Variants in MYO6 observed in about 807,000 individuals in gnomAD.
The protein encoded by MYO6 is myosin VI.
Under a neutral mutation model 178.7 loss-of-function variants are expected in MYO6, and 74 were observed. The ratio of observed to expected loss-of-function variants is 0.41; its 90% CI spans 0.34 to 0.50. MYO6 has a LOEUF of 0.50. MYO6 is among the 20% of genes least tolerant of loss of function. The pLI is 0.09. For synonymous variants in MYO6, 477 were observed against 504.6 expected, an observed-to-expected ratio of 0.95 and a Z score of 0.73; for missense variants, 1,330 against 1,547.4, an observed-to-expected ratio of 0.86 and a Z score of 2.36.
At chr6:75,853,996 A>T (rs1775515641) in intron 11 of MYO6, among the ~76,000 whole-genome samples, 1 of 152,162 alleles carries the variant, frequency 6.6e-6, no homozygotes, top group African/African-American at 2.4e-5. Flanking sequence ...TAACTTATTC[A>T]AGGTCACATA....
At chr6:75,902,934 C>T (rs1267155824) in intron 30 of MYO6, among the ~76,000 whole-genome samples, 1 of 151,652 alleles carries the variant, frequency 6.6e-6, no homozygotes, top group African/African-American at 2.4e-5. Context: ...TGTCTTTGTT[C>T]TCGTTGGTTT....
chr6:75,890,277 A>G lies in MYO6; in HGVS notation c.2867+12A>G. 1 of 1,613,554 alleles carries G rather than the reference A, an allele frequency of 6.2e-7. No individual in the cohort carries two copies. The highest frequency in any genetic ancestry group is 8.5e-7 in the Non-Finnish European group (1 of 1,179,594). On this transcript the variant is annotated intron_variant, in intron 26 of 34. Coordinates refer to ENST00000369977, the MANE Select transcript of MYO6 (RefSeq NM_004999.4). ...GAGGAAAGGCGGATGTGAGGCATTT[A>G]TATTATTTTGAATAAGAGACTTAAA...
At chr6:75,751,312 C>T (rs1280966811) in intron 1 of MYO6, among the ~76,000 whole-genome samples, 1 of 152,110 alleles carries the variant, frequency 6.6e-6, no homozygotes, top group Non-Finnish European at 1.5e-5. Context: ...GTTTATCATT[C>T]TCTCATCTTT....
intron 11 of MYO6, among the ~76,000 whole-genome samples, chr6:75,854,673 T>A (rs1775584859): frequency 6.6e-6 from 1 of 152,148 alleles, no homozygotes; most frequent in South Asian, 2.1e-4. Context: ...TACATGCTTA[T>A]TACGTATATG....
chr6:75,915,313 G>A lies in MYO6; in HGVS notation c.*301G>A, dbSNP rs116215208. On this transcript the variant is annotated 3_prime_UTR_variant, in exon 35 of 35. Transcript: ENST00000369977. ...GCCAGAAGACTACCTTACATCCATC[G>A]TAATTGTTCTCTAGGAAAAGAGAAC... The A allele has an allele frequency of 7.4e-4, 301 of 407,384 alleles. 1 individual carries two copies. The highest frequency in any genetic ancestry group is 5.7e-3 in the African/African-American group (280 of 49,488). 25.2% of individuals were successfully genotyped at this position (407,384 alleles called of 1,614,324 possible).
intron 1 of MYO6, among the ~76,000 whole-genome samples, chr6:75,761,747 G>A (rs1384626536): frequency 6.6e-6 from 1 of 150,676 alleles, no homozygotes; most frequent in East Asian, 1.9e-4. Context: ...TGTTTTCTAG[G>A]ATTCTGCTAT....
At chr6:75,887,356 G>A (rs566120935) in intron 25 of MYO6, among the ~76,000 whole-genome samples, 1 of 152,078 alleles carries the variant, frequency 6.6e-6, no homozygotes, top group African/African-American at 2.4e-5. Flanking sequence ...TAAAATAAAA[G>A]TTGGAGGCCA....
In MYO6 at chr6:75,898,113, T is replaced by A. The variant is rs1403011307; in HGVS notation, c.3138-260T>A. Among the ~76,000 whole-genome samples, 3 of 152,198 alleles carry A rather than the reference T, an allele frequency of 2.0e-5. No individual in the cohort carries two copies. In the East Asian group the frequency reaches 5.8e-4, roughly 29 times the overall value. The stretch of plus-strand genomic sequence containing the variant: ...GAAAAGAATACCATAAAAGCTTTCC[T>A]GAGATTTTATCTAAAAGTTGCTACT... On this transcript the variant is annotated intron_variant, in intron 29 of 34. Coordinates refer to ENST00000369977, the MANE Select transcript of MYO6 (RefSeq NM_004999.4).
intron 2 of MYO6, among the ~76,000 whole-genome samples, chr6:75,821,779 A>AT: frequency 6.6e-6 from 1 of 152,358 alleles, no homozygotes; most frequent in East Asian, 1.9e-4. Flanking sequence ...CAGCTTATAA[A>AT]TAACTGTGAG....
chr6:75,894,771 G>A, intron 28 of MYO6: 1 of 1,415,338 alleles, frequency 7.1e-7, no homozygotes, highest in South Asian at 1.4e-5. Context: ...ATATATTATA[G>A]ATAGATTCTG....
At chr6:75,810,083 CAAAAA>C (rs60265510) in intron 1 of MYO6, among the ~76,000 whole-genome samples, 4,902 of 77,010 alleles carry the variant, frequency 0.064, 192 homozygotes, top group East Asian at 0.21. Context: ...GACTCTGTCT[CAAAAA>C]AAAAAAAAAA....
chr6:75,750,865 C>A (rs549356909), intron 1 of MYO6, among the ~76,000 whole-genome samples: 10 of 152,250 alleles, frequency 6.6e-5, no homozygotes, highest in African/African-American at 2.4e-4. Flanking sequence ...CAGGCTTGAG[C>A]CCCCGCGCCT....
intron 1 of MYO6, among the ~76,000 whole-genome samples, chr6:75,783,235 T>C (rs761300697): frequency 6.6e-6 from 1 of 152,146 alleles, no homozygotes; most frequent in East Asian, 1.9e-4. Context: ...AGATTTTTAG[T>C]CTTTCCTCAG....
Position 75,857,175 on chromosome 6 carries a change from T to A in MYO6, c.1302T>A (p.His434Gln). 1 of 1,614,062 alleles carries A rather than the reference T, an allele frequency of 6.2e-7. No homozygotes were observed. The highest frequency in any genetic ancestry group is 8.5e-7 in the Non-Finnish European group (1 of 1,179,898). Residue 434 changes from histidine (H) to glutamine (Q), a missense_variant, in exon 13 of 35, where the codon CAT (histidine) becomes CAA (glutamine). His to Gln is a conservative substitution (Grantham distance 24, BLOSUM62 0). Transcript: ENST00000369977. The stretch of plus-strand genomic sequence containing the variant: ...CAGTGTATAGCCATCTTTTTGATCA[T>A]GTGGTAAACAGAGTAAATCAGTGTT... ...AKTVYSHLFD[H>Q]VVNRVNQCFP... is the part of the protein sequence containing the mutation.
rs551429754 is a variant in MYO6, at chr6:75,797,206, C to T, written c.-47-20295C>T. Among the ~76,000 whole-genome samples, 4 of 152,256 alleles carry T rather than the reference C, an allele frequency of 2.6e-5. No homozygotes were observed. In the East Asian group the frequency reaches 7.7e-4, roughly 29 times the overall value. ...CTGGGGTCAAGCGCTTCTCCTGCGT[C>T]AGCCTCCTGAGTAGCCGGGATTACA... is the stretch of plus-strand genomic sequence containing the variant. On this transcript the variant is annotated intron_variant, in intron 1 of 34. Transcript: ENST00000369977.
chr6:75,770,041 G>A (rs1765715199), intron 1 of MYO6, among the ~76,000 whole-genome samples: 1 of 152,212 alleles, frequency 6.6e-6, no homozygotes, highest in African/African-American at 2.4e-5. Context: ...CCCTGGTGGG[G>A]ACTCTGTGGG....
At chr6:75,801,603 G>C (rs1769462195) in intron 1 of MYO6, among the ~76,000 whole-genome samples, 1 of 152,082 alleles carries the variant, frequency 6.6e-6, no homozygotes, top group Admixed American at 6.6e-5. Context: ...AAAGCATGTT[G>C]TGGAGTGGAG....
In MYO6 at chr6:75,881,736, A is replaced by T. The variant is rs895880161; in HGVS notation, c.2334A>T (p.Ala778=). ...QIMKSDPDHL[A]ELVKRVNHWL... ...TGAAGTCTGACCCTGACCACTTAGCAGAGTTGGTTAAAAGAGTCAATCACT... is the reference window on the plus strand; with the variant it reads ...TGAAGTCTGACCCTGACCACTTAGCTGAGTTGGTTAAAAGAGTCAATCACT... Residue 778 remains alanine, a synonymous_variant, in exon 23 of 35, where the codon GCA becomes GCT. Coordinates refer to ENST00000369977, the MANE Select transcript of MYO6 (RefSeq NM_004999.4). 1 of 1,614,034 alleles carries T rather than the reference A, an allele frequency of 6.2e-7. No homozygotes were observed. The highest frequency in any genetic ancestry group is 8.5e-7 in the Non-Finnish European group (1 of 1,179,898).
At chr6:75,894,979 C>A in intron 28 of MYO6, 1 of 679,060 alleles carries the variant, frequency 1.5e-6, no homozygotes, top group South Asian at 2.7e-5. Context: ...AAAAACAAAC[C>A]TCACAATATA....
Sources: allele counts gnomAD v4.1 joint callset (sites outside exome capture counted in the v4.1 genomes callset), GRCh38; gene constraint gnomAD v4.1.1; transcripts MANE v1.5; gene names NCBI Gene and HGNC (gene_info 2026-07-23, HGNC 2026-07-21).